TMTC1: variants seen among roughly 807,000 people sequenced by gnomAD.
TMTC1 encodes protein O-mannosyl-transferase TMTC1.
TMTC1 carries 73 observed loss-of-function variants against 104.8 expected under a neutral mutation model. The ratio of observed to expected loss-of-function variants is 0.70; its 90% CI spans 0.58 to 0.85. The LOEUF (loss-of-function observed/expected upper bound fraction) is 0.85, where lower values mean the gene tolerates loss of function less well. Ranked by LOEUF, TMTC1 falls within the 40% of genes least tolerant of loss-of-function variation. TMTC1 has a pLI of 0.00. For missense variants in TMTC1, 1,035 were observed against 1,096.1 expected, an observed-to-expected ratio of 0.94 and a Z score of 0.79; for synonymous variants, 434 against 428.7, an observed-to-expected ratio of 1.01 and a Z score of -0.15.
rs186553574 is a variant in TMTC1, at chr12:29,715,103, G to T, written c.938+36563C>A. Among the ~76,000 whole-genome samples the T allele has an allele frequency of 4.2e-4, 64 of 152,286 alleles. 2 individuals are homozygous for T. In the East Asian group the frequency reaches 9.8e-3, roughly 23 times the overall value. Reference sequence around the variant, plus strand: ...AAACACTGGTATTGGTGTTGCAAAAGAAAATGACTACATATACTGGAGAAA... The same window carrying T: ...AAACACTGGTATTGGTGTTGCAAAATAAAATGACTACATATACTGGAGAAA... On this transcript the variant is annotated intron_variant, in intron 5 of 17. Transcript: ENST00000539277.
At chr12:29,567,568 T>C (rs1191865701) in intron 9 of TMTC1, among the ~76,000 whole-genome samples, 5 of 152,218 alleles carry the variant, frequency 3.3e-5, no homozygotes, top group Non-Finnish European at 7.3e-5. Context: ...CTTTTATACA[T>C]GAAAATACCA....
intron 7 of TMTC1, among the ~76,000 whole-genome samples, chr12:29,596,155 C>T (rs763658945): frequency 2.0e-5 from 3 of 152,010 alleles, no homozygotes; most frequent in Non-Finnish European, 4.4e-5. Flanking sequence ...TACAGGCATG[C>T]GCCACCACGC....
intron 5 of TMTC1, among the ~76,000 whole-genome samples, chr12:29,641,696 C>G (rs1224517887): frequency 6.6e-6 from 1 of 152,074 alleles, no homozygotes; most frequent in East Asian, 1.9e-4. Flanking sequence ...CAATACCCCC[C>G]CAAAAAAATC....
At chr12:29,681,099 C>CA (rs71045827) in intron 5 of TMTC1, among the ~76,000 whole-genome samples, 53,588 of 106,594 alleles carry the variant, frequency 0.5, 12,966 homozygotes, top group Non-Finnish European at 0.53. Context: ...ACCCTGTCTC[C>CA]AAAAAAAAAA....
At chr12:29,543,950 A>T (rs989892329) in intron 10 of TMTC1, among the ~76,000 whole-genome samples, 2 of 146,150 alleles carry the variant, frequency 1.4e-5, no homozygotes, top group African/African-American at 4.9e-5. Flanking sequence ...AAAGAATTTT[A>T]AAAAATATTT....
At chr12:29,578,687 T>C (rs965504943) in intron 8 of TMTC1, among the ~76,000 whole-genome samples, 1 of 152,190 alleles carries the variant, frequency 6.6e-6, no homozygotes, top group Non-Finnish European at 1.5e-5. Flanking sequence ...TAATCAGGTG[T>C]ATCTCCAAGG....
At chr12:29,569,614 A>G (rs1945611652) in intron 9 of TMTC1, among the ~76,000 whole-genome samples, 1 of 152,264 alleles carries the variant, frequency 6.6e-6, no homozygotes, top group Non-Finnish European at 1.5e-5. Context: ...ATAAATAATC[A>G]TCAAAATGAT....
At chr12:29,660,775 A>AATAT in intron 5 of TMTC1, 2 of 812,534 alleles carry the variant, frequency 2.5e-6, no homozygotes, top group Non-Finnish European at 3.3e-6. Flanking sequence ...ATATTTCAAA[A>AATAT]GTATATATAT....
At chr12:29,730,911 T>A (rs566859255) in intron 5 of TMTC1, among the ~76,000 whole-genome samples, 4 of 152,278 alleles carry the variant, frequency 2.6e-5, no homozygotes, top group Admixed American at 6.5e-5. Flanking sequence ...GGAACTTTTT[T>A]AAATCCCTGT....
At chr12:29,582,832 T>C (rs1434159262) in intron 8 of TMTC1, among the ~76,000 whole-genome samples, 2 of 152,104 alleles carry the variant, frequency 1.3e-5, no homozygotes, top group Non-Finnish European at 2.9e-5. Context: ...ACTGGGCAAA[T>C]ATTGTTTGGG....
At chr12:29,701,080 AC>A (rs952941911) in intron 5 of TMTC1, among the ~76,000 whole-genome samples, 3 of 147,614 alleles carry the variant, frequency 2.0e-5, no homozygotes, top group Non-Finnish European at 4.4e-5. Flanking sequence ...TGCTCTGCTG[AC>A]TGAGAGTCTT....
At position 29,505,534 on chromosome 12, in the gene TMTC1, T is replaced by C. The variant is rs1943678068; in HGVS notation, c.*1312A>G. Reference sequence around the variant, plus strand: ...TTTTACAATTTAGATTTACATTTTATAAGATCAGTTTTGAAAGCTGATATT... The same window carrying C: ...TTTTACAATTTAGATTTACATTTTACAAGATCAGTTTTGAAAGCTGATATT... On this transcript the variant is annotated 3_prime_UTR_variant, in exon 18 of 18. Coordinates refer to ENST00000539277, the MANE Select transcript of TMTC1 (RefSeq NM_001193451.2). The C allele has an allele frequency of 6.6e-6, 1 of 152,154 alleles. No individual in the cohort carries two copies. The highest frequency in any genetic ancestry group is 6.5e-5 in the Admixed American group (1 of 15,276). The allele number at this position is 152,154 out of a possible 1,614,324, so 9.4% of individuals were successfully genotyped here. A position where few individuals can be genotyped will look rare whatever the true frequency, so the allele number is the denominator to read the frequency against.
chr12:29,638,754 C>T (rs1262285930), intron 5 of TMTC1, among the ~76,000 whole-genome samples: 3 of 152,122 alleles, frequency 2.0e-5, no homozygotes, highest in Admixed American at 6.5e-5. Flanking sequence ...AGCAGCAGGG[C>T]ACCGAAGAAT....
intron 5 of TMTC1, among the ~76,000 whole-genome samples, chr12:29,681,371 G>C (rs1454955814): frequency 1.3e-5 from 2 of 152,130 alleles, no homozygotes; most frequent in Non-Finnish European, 2.9e-5. Flanking sequence ...TAAATTAAGA[G>C]AGAATACTAG....
At chr12:29,771,783 G>C (rs118044885) in intron 1 of TMTC1, among the ~76,000 whole-genome samples, 2,407 of 152,220 alleles carry the variant, frequency 0.016, 71 homozygotes, top group South Asian at 0.14. Flanking sequence ...GGATGCTAAG[G>C]GGGGAGGGAA....
chr12:29,627,218 G>T (rs1302640352), intron 6 of TMTC1, among the ~76,000 whole-genome samples: 2 of 152,052 alleles, frequency 1.3e-5, no homozygotes, highest in East Asian at 1.9e-4. Flanking sequence ...ATCTTTTAGG[G>T]GTTTAATATC....
intron 5 of TMTC1, among the ~76,000 whole-genome samples, chr12:29,664,738 A>G (rs1159353437): frequency 6.6e-6 from 1 of 152,242 alleles, no homozygotes; most frequent in Non-Finnish European, 1.5e-5. Flanking sequence ...ATACTTAACT[A>G]TGACATCAGA....
In TMTC1 at chr12:29,568,536, A is replaced by T. The variant is rs192906219; in HGVS notation, c.1532+3569T>A. ...ATGAATTATGGAGGTGCTTTTGCAG[A>T]TTCTAATCAGAAGATTCTTACTTAA... is the stretch of plus-strand genomic sequence containing the variant. On this transcript the variant is annotated intron_variant, in intron 9 of 17. Transcript: ENST00000539277. 1.4e-4 allele frequency among the ~76,000 whole-genome samples: 22 copies of T among 152,354 alleles called. No homozygotes were observed. The East Asian group carries it at 4.0e-3, about 28-fold the overall frequency.
At chr12:29,516,607 CT>C in intron 14 of TMTC1, 121 bp from the exon 15 acceptor site, 1 of 1,206,602 alleles carries the variant, frequency 8.3e-7, no homozygotes, top group South Asian at 2.2e-5. Context: ...AATTTAGTGA[CT>C]CATAGAGAAG....
Sources: gnomAD v4.1 joint callset for allele counts (sites outside exome capture counted in the v4.1 genomes callset) on GRCh38, gnomAD v4.1.1 for gene constraint, MANE v1.5 for transcripts, NCBI Gene and HGNC (gene_info 2026-07-23, HGNC 2026-07-21) for gene names.